CD163L1: variants seen among roughly 807,000 people sequenced by gnomAD.
CD163L1 encodes scavenger receptor cysteine-rich type 1 protein M160.
A neutral mutation model predicts 165.4 loss-of-function variants in CD163L1; 124 were observed. The ratio of observed to expected loss-of-function variants is 0.75; its 90% CI spans 0.65 to 0.87. CD163L1 has a LOEUF of 0.87. Ranked by LOEUF, CD163L1 falls within the 40% of genes least tolerant of loss-of-function variation. The pLI, the probability that CD163L1 is intolerant of heterozygous loss-of-function variation, is 0.00. For synonymous variants in CD163L1, 585 were observed against 662.2 expected (o/e 0.88, Z 1.79); for missense variants, 1,525 against 1,799.9 (o/e 0.85, Z 2.76).
chr12:7,404,036 T>A (rs1304678053), intron 5 of CD163L1, among the ~76,000 whole-genome samples, 181 bp from the exon 6 acceptor site: 2 of 152,154 alleles, frequency 1.3e-5, no homozygotes, highest in East Asian at 1.9e-4. Context: ...TTAAAGATTT[T>A]AAAGATTGAA....
Position 7,440,345 on chromosome 12 carries a change from C to T in CD163L1, c.124+809G>A, listed in dbSNP as rs776930205. Among the ~76,000 whole-genome samples, 8 of 151,714 alleles carry T rather than the reference C, an allele frequency of 5.3e-5. No individual in the cohort carries two copies. In the South Asian group the frequency reaches 1.0e-3, roughly 20 times the overall value. On this transcript the variant is annotated intron_variant, in intron 2 of 19. Coordinates refer to ENST00000313599, the MANE Select transcript of CD163L1 (RefSeq NM_174941.6). The stretch of plus-strand genomic sequence containing the variant: ...CTGGAGCCGCCGCCGCCCACCGGCC[C>T]TGCCGCCATCCCCCCACCGCCGCAC...
chr12:7,439,068 A>C (rs1948778565), intron 2 of CD163L1: 19 of 1,582,634 alleles, frequency 1.2e-5, no homozygotes, highest in Non-Finnish European at 1.4e-5. Flanking sequence ...GGCTTCTCAA[A>C]GCCATGCTCC....
chr12:7,426,277 A>G (rs1948540749), intron 4 of CD163L1, among the ~76,000 whole-genome samples: 1 of 151,910 alleles, frequency 6.6e-6, no homozygotes, highest in African/African-American at 2.4e-5. Flanking sequence ...AACATCAGAC[A>G]CTTGGGCATG....
the CD163L1 span, among the ~76,000 whole-genome samples, chr12:7,341,239 T>C: frequency 6.6e-6 from 1 of 152,210 alleles, no homozygotes; most frequent in African/African-American, 2.4e-5. Context: ...TTATTTTCTG[T>C]TTGTTATGTA....
chr12:7,437,579 T>C (rs1948755211), intron 2 of CD163L1, among the ~76,000 whole-genome samples: 1 of 151,658 alleles, frequency 6.6e-6, no homozygotes. Flanking sequence ...AGTGAGAACA[T>C]GCGGTGTTTG....
intron 18 of CD163L1, among the ~76,000 whole-genome samples, chr12:7,362,137 A>C (rs1946905417): frequency 6.8e-6 from 1 of 147,126 alleles, no homozygotes; most frequent in Non-Finnish European, 1.5e-5. Flanking sequence ...TGTATATTAT[A>C]TATACTATAT....
At chr12:7,442,223 A>T (rs920432594) in intron 1 of CD163L1, among the ~76,000 whole-genome samples, 1 of 152,202 alleles carries the variant, frequency 6.6e-6, no homozygotes, top group Non-Finnish European at 1.5e-5. Flanking sequence ...TAGTATTTTC[A>T]TTAGTATCTT....
the CD163L1 span, among the ~76,000 whole-genome samples, chr12:7,319,168 A>T: frequency 6.6e-6 from 1 of 152,214 alleles, no homozygotes; most frequent in African/African-American, 2.4e-5. Context: ...ATCATCAGGC[A>T]TTAGATTCTC....
At position 7,432,455 on chromosome 12, in the gene CD163L1, C is replaced by A; in HGVS notation, c.727G>T (p.Asp243Tyr). The A allele has an allele frequency of 6.2e-7, 1 of 1,613,998 alleles. No homozygotes were observed. Among genetic ancestry groups the A allele is most frequent in the Non-Finnish European group, 8.5e-7 (1 of 1,179,944 alleles). ...NCRHRGWGNH[D>Y]CSHNEDVTLT... ...GTGACATCCTCATTGTGACTGCAGTCATGATTTCCCCATCCACGATGTCTG... is the reference window on the plus strand; with the variant it reads ...GTGACATCCTCATTGTGACTGCAGTAATGATTTCCCCATCCACGATGTCTG... Residue 243 changes from aspartate to tyrosine, a missense_variant, in exon 4 of 20, where the codon GAC (aspartate) becomes TAC (tyrosine). Asp to Tyr is a radical substitution (Grantham distance 160). Transcript: ENST00000313599. The surrounding 1 kb of genome is among the most constrained non-coding windows in gnomAD (Gnocchi z 4.2).
chr12:7,436,884 G>A (rs1430574069), intron 2 of CD163L1, among the ~76,000 whole-genome samples: 1 of 151,334 alleles, frequency 6.6e-6, no homozygotes. Context: ...CACTCATAAG[G>A]TCTTATTAAA....
intron 18 of CD163L1, among the ~76,000 whole-genome samples, chr12:7,364,080 T>C (rs984325418): frequency 1.3e-5 from 2 of 152,064 alleles, no homozygotes; most frequent in Non-Finnish European, 2.9e-5. Flanking sequence ...GATTAAAAGA[T>C]TTTTCACCAC....
intron 4 of CD163L1, among the ~76,000 whole-genome samples, chr12:7,430,870 G>C (rs188195829): frequency 7.9e-5 from 12 of 152,030 alleles, no homozygotes; most frequent in Admixed American, 6.6e-4. Context: ...AAAGAACGCA[G>C]CAGAGATCAA....
At chr12:7,442,631 A>G (rs900199347) in intron 1 of CD163L1, among the ~76,000 whole-genome samples, 1 of 152,128 alleles carries the variant, frequency 6.6e-6, no homozygotes, top group African/African-American at 2.4e-5. Context: ...TAGTGTCCCA[A>G]TTTCCTTCTT....
In CD163L1 at chr12:7,400,247, A is replaced by C. The variant is rs1230497587; in HGVS notation, c.1409-1663T>G. On this transcript the variant is annotated intron_variant, in intron 6 of 19. Transcript: ENST00000313599. The surrounding 1 kb of genome is among the most constrained non-coding windows in gnomAD (Gnocchi z 4.1). ...CACATAAAGTTTTGAGTATGTCACC[A>C]AGTGCTTCCACAATATAATGGAAAC... Among the ~76,000 whole-genome samples, 1 of 152,176 alleles carries C rather than the reference A, an allele frequency of 6.6e-6. No homozygotes were observed. Among genetic ancestry groups the C allele is most frequent in the Non-Finnish European group, 1.5e-5 (1 of 68,022 alleles).
the CD163L1 span, chr12:7,328,605 G>A: frequency 3.6e-6 from 1 of 280,026 alleles, no homozygotes; most frequent in Middle Eastern, 1.2e-3. Flanking sequence ...TAATGATGAT[G>A]ATTTGTAGTG....
At position 7,369,656 on chromosome 12, in the gene CD163L1, C is replaced by A; in HGVS notation, c.3740G>T (p.Arg1247Ile). ...ETWITCEDRI[R>I]VRGGDTECSG... ...GCACTCGGTGTCTCCTCCACGCACT[C>A]TTATTCTATCTACAAAGGCACAAAA... The change falls in exon 15 of 20, where the codon AGA (arginine) becomes ATA (isoleucine). Residue 1247 changes from arginine to isoleucine, a missense_variant. Coordinates refer to ENST00000313599, the MANE Select transcript of CD163L1 (RefSeq NM_174941.6). The surrounding 1 kb of genome is among the most constrained non-coding windows in gnomAD (Gnocchi z 4.9). The A allele has an allele frequency of 6.2e-7, 1 of 1,611,822 alleles. No individual in the cohort carries two copies. The highest frequency in any genetic ancestry group is 1.7e-4 in the Middle Eastern group (1 of 6,052).
chr12:7,385,415 G>A (rs750679997), intron 8 of CD163L1, among the ~76,000 whole-genome samples: 2 of 151,798 alleles, frequency 1.3e-5, no homozygotes, highest in African/African-American at 2.4e-5. Flanking sequence ...ATAATAGTTG[G>A]CACTTCAACT....
Position 7,368,979 on chromosome 12 carries a change from A to G in CD163L1, c.4040-14T>C, listed in dbSNP as rs879031815. ...TCAGCGACTGTCCTGAGAGAGAGAG[A>G]GAGAGAGAGAGACGTAAATGAACGA... On this transcript the variant is annotated splice_polypyrimidine_tract_variant and intron_variant, in intron 15 of 19. Coordinates refer to ENST00000313599, the MANE Select transcript of CD163L1 (RefSeq NM_174941.6). The surrounding 1 kb of genome is among the most constrained non-coding windows in gnomAD (Gnocchi z 4.3). 6.4e-7 allele frequency: 1 copy of G among 1,552,604 alleles called. No homozygotes were observed. Among genetic ancestry groups the G allele is most frequent in the Non-Finnish European group, 8.9e-7 (1 of 1,127,588 alleles).
chr12:7,331,084 C>A, the CD163L1 span, among the ~76,000 whole-genome samples: 1 of 152,232 alleles, frequency 6.6e-6, no homozygotes, highest in Non-Finnish European at 1.5e-5. Flanking sequence ...GTCACTCCCA[C>A]CATAATACTG....
Sources: allele counts gnomAD v4.1 joint callset (sites outside exome capture counted in the v4.1 genomes callset), GRCh38; gene constraint gnomAD v4.1.1; non-coding constraint Gnocchi (gnomAD v3.1); transcripts MANE v1.5; gene names NCBI Gene and HGNC (gene_info 2026-07-23, HGNC 2026-07-21).